The following LRRC74A variants were observed in gnomAD, a reference collection of about 807,000 sequenced individuals.
LRRC74A encodes leucine-rich repeat-containing protein 74A.
A neutral mutation model predicts 57.9 loss-of-function variants in LRRC74A; 44 were observed. The observed-to-expected ratio is 0.76, with a 90% CI of 0.60 to 0.98. The LOEUF is 0.98. Among genes scored for constraint, LRRC74A ranks in the 50% least tolerant of loss-of-function variants. LRRC74A has a pLI of 0.00. For missense variants in LRRC74A, 572 were observed against 574.0 expected (o/e 1.00, Z 0.04); for synonymous variants, 211 against 219.4 (o/e 0.96, Z 0.34).
chr14:76,844,533 C>A (rs1299367391), intron 6 of LRRC74A, 61 bp downstream of exon 6: 1 of 1,532,640 alleles, frequency 6.5e-7, no homozygotes, highest in African/African-American at 1.4e-5. Flanking sequence ...TCTGGGCAAC[C>A]TGGGGCTGCT....
intron 2 of LRRC74A, chr14:76,828,989 T>A (rs1424697364): frequency 1.6e-6 from 2 of 1,287,402 alleles, no homozygotes. Flanking sequence ...TTTCCCCTAC[T>A]TTTCTTGATA....
intron 3 of LRRC74A, among the ~76,000 whole-genome samples, chr14:76,835,444 G>T (rs143162355): frequency 6.7e-6 from 1 of 148,736 alleles, no homozygotes; most frequent in African/African-American, 2.5e-5. Context: ...CCGAGATCAC[G>T]CCACTGCACT....
chr14:76,828,241 G>A (rs760202231), intron 1 of LRRC74A, 50 bp from the exon 2 acceptor site: 2 of 1,545,586 alleles, frequency 1.3e-6, no homozygotes, highest in Admixed American at 1.9e-5. Context: ...TTTATTGGGA[G>A]GCCAGCAAGT....
intron 3 of LRRC74A, among the ~76,000 whole-genome samples, chr14:76,833,589 G>A (rs920089705): frequency 4.6e-5 from 7 of 151,508 alleles, no homozygotes; most frequent in African/African-American, 1.7e-4. Flanking sequence ...TTACAGGTGC[G>A]CACCACCATG....
chr14:76,858,449 G>A (rs374426592), intron 10 of LRRC74A, among the ~76,000 whole-genome samples: 9 of 152,260 alleles, frequency 5.9e-5, no homozygotes, highest in African/African-American at 2.2e-4. Context: ...CCCACCCTAA[G>A]TACCTCATTT....
At chr14:76,841,230 CAG>C (rs1028807593) in intron 5 of LRRC74A, among the ~76,000 whole-genome samples, 4 of 152,020 alleles carry the variant, frequency 2.6e-5, no homozygotes, top group Admixed American at 6.6e-5. Flanking sequence ...TTAGTAGAGA[CAG>C]AGTTTTGCCA....
At position 76,828,296 on chromosome 14, in the gene LRRC74A, A is replaced by C. The variant is rs1486469072; in HGVS notation, c.43A>C (p.Ile15Leu). ...AGATGAGTTTTTTCTTCCAGATGAG[A>C]TTGAAATTGAGCCAGTACGACAGAG... ...KPLQPETEDE[I>L]EIEPVRQSSD... The change falls in exon 2 of 14, where the codon ATT becomes CTT. Residue 15 changes from isoleucine to leucine, a missense_variant. By Grantham distance (5) the Ile-to-Leu change is conservative. Coordinates refer to ENST00000689127, the MANE Select transcript of LRRC74A (RefSeq NM_001385106.1). The C allele has an allele frequency of 6.3e-7, 1 of 1,593,338 alleles. No individual in the cohort carries two copies. Among genetic ancestry groups the C allele is most frequent in the Non-Finnish European group, 8.6e-7 (1 of 1,164,688 alleles).
At chr14:76,846,341 C>T (rs145182207) in intron 7 of LRRC74A, among the ~76,000 whole-genome samples, 85 of 152,280 alleles carry the variant, frequency 5.6e-4, no homozygotes, top group Middle Eastern at 3.4e-3. Context: ...TTGAGAACAA[C>T]TTGATGGTCC....
Position 76,826,446 on chromosome 14 carries a change from A to G in LRRC74A, c.-252A>G. ...CAATAGAGCAGTCCCACTCTCCCAG[A>G]TGAGCTGGAGAAGTAGCTACCTCTC... On this transcript the variant is annotated 5_prime_UTR_variant, in exon 1 of 14. An upstream start codon of the reference 5' UTR is lost. Transcript: ENST00000689127. The G allele has an allele frequency of 5.1e-6, 7 of 1,379,584 alleles. No individual in the cohort carries two copies. The highest frequency in any genetic ancestry group is 6.0e-6 in the Non-Finnish European group (6 of 1,006,470). 85.5% of individuals were successfully genotyped at this position (1,379,584 alleles called of 1,614,324 possible).
rs1479600464 is a variant in LRRC74A at position 76,863,384 on chromosome 14, G to A, written c.1200+2545G>A. On this transcript the variant is annotated intron_variant, in intron 11 of 13. Transcript: ENST00000689127. ...GTTCTAGCCCCACTGGATTGCTTCC[G>A]GATCCTCTTTGCATCAGCTCTCCCT... Among the ~76,000 whole-genome samples the A allele has an allele frequency of 2.0e-5, 3 of 152,102 alleles. No homozygotes were observed. The South Asian group carries it at 6.2e-4, about 31-fold the overall frequency.
chr14:76,860,583 G>A, intron 10 of LRRC74A, 110 bp from the exon 11 acceptor site: 3 of 1,107,178 alleles, frequency 2.7e-6, no homozygotes, highest in South Asian at 1.9e-5. Context: ...CAAACTGGAA[G>A]AGACAAAACT....
intron 10 of LRRC74A, among the ~76,000 whole-genome samples, chr14:76,858,603 T>A (rs1419899043): frequency 2.6e-5 from 4 of 152,108 alleles, no homozygotes; most frequent in Non-Finnish European, 5.9e-5. Flanking sequence ...ATTTTACATA[T>A]AAGTAAACTG....
chr14:76,838,054 T>G, intron 5 of LRRC74A, 83 bp downstream of exon 5: 1 of 911,144 alleles, frequency 1.1e-6, no homozygotes, highest in Non-Finnish European at 1.7e-6. Context: ...AATGTCTCAT[T>G]GAACCAGACC....
rs755080839 is a variant in LRRC74A, at chr14:76,836,263, C to A, written c.396C>A (p.Gly132=). The A allele has an allele frequency of 6.2e-7, 1 of 1,613,852 alleles. No individual in the cohort carries two copies. Among genetic ancestry groups the A allele is most frequent in the South Asian group, 1.1e-5 (1 of 91,032 alleles). Residue 132 remains glycine (G), a synonymous_variant, in exon 4 of 14, where the codon GGC becomes GGA. Transcript: ENST00000689127. ...AAGACAATTGCATCATGGAGGAGGG[C>A]GTCTTGAGCCTGGTGGAGATGCTAC... The part of the protein sequence containing the change: ...ELEDNCIMEE[G]VLSLVEMLQE...
intron 3 of LRRC74A, among the ~76,000 whole-genome samples, chr14:76,835,516 T>C (rs1896265566): frequency 6.6e-6 from 1 of 151,062 alleles, no homozygotes; most frequent in South Asian, 2.1e-4. Context: ...ATGCAGACTA[T>C]CTTGGATCTA....
chr14:76,853,486 G>C, intron 9 of LRRC74A, 76 bp downstream of exon 9: 1 of 1,260,074 alleles, frequency 7.9e-7, no homozygotes, highest in Non-Finnish European at 1.1e-6. Context: ...GGGATAAGTT[G>C]GGGGCTGCAG....
intron 5 of LRRC74A, among the ~76,000 whole-genome samples, chr14:76,841,016 A>C (rs79735523): frequency 0.06 from 8,510 of 142,802 alleles, 364 homozygotes; most frequent in Middle Eastern, 0.18. Context: ...TTAATATATA[A>C]GTTATAAAAT....
intron 5 of LRRC74A, among the ~76,000 whole-genome samples, chr14:76,840,253 G>A (rs758999278): frequency 6.6e-6 from 1 of 151,472 alleles, no homozygotes; most frequent in Non-Finnish European, 1.5e-5. Context: ...GGCCCCCCTG[G>A]GCAACATAGC....
intron 4 of LRRC74A, among the ~76,000 whole-genome samples, chr14:76,836,643 T>C (rs188777490): frequency 6.6e-6 from 1 of 151,310 alleles, no homozygotes; most frequent in East Asian, 1.9e-4. Flanking sequence ...CTACTAAAAG[T>C]ACAAAAATTA....
Sources: allele counts gnomAD v4.1 joint callset (sites outside exome capture counted in the v4.1 genomes callset), GRCh38; gene constraint gnomAD v4.1.1; transcripts MANE v1.5; gene names NCBI Gene and HGNC (gene_info 2026-07-23, HGNC 2026-07-21).